The following ERC2 variants were observed in gnomAD, a reference collection of about 807,000 sequenced individuals.
The protein encoded by ERC2 is ELKS/RAB6-interacting/CAST family member 2.
In ERC2, 42 loss-of-function variants were observed where a neutral mutation model predicts 114.8. That is an observed-to-expected ratio of 0.37 (90% CI 0.29 to 0.47). The LOEUF (loss-of-function observed/expected upper bound fraction) is 0.47, where lower values mean the gene tolerates loss of function less well. Among genes scored for constraint, ERC2 ranks in the 20% least tolerant of loss-of-function variants. ERC2 has a pLI of 0.99. For missense variants in ERC2, 939 were observed against 1,150.7 expected (o/e 0.82, Z 2.66); for synonymous variants, 454 against 425.5 (o/e 1.07, Z -0.82).
At chr3:56,156,574 G>A (rs1210801387) in intron 4 of ERC2, among the ~76,000 whole-genome samples, 2 of 152,098 alleles carry the variant, frequency 1.3e-5, no homozygotes, top group Middle Eastern at 3.2e-3. Flanking sequence ...GTACTCTGAG[G>A]GTTTGGGGTA....
intron 3 of ERC2, among the ~76,000 whole-genome samples, chr3:56,182,449 T>C (rs1238947310): frequency 1.3e-5 from 2 of 152,076 alleles, no homozygotes; most frequent in Non-Finnish European, 2.9e-5. Flanking sequence ...CCAAAAGGAG[T>C]CTGCTGTGAA....
At chr3:56,379,178 G>T (rs1382072659) in intron 2 of ERC2, among the ~76,000 whole-genome samples, 1 of 152,086 alleles carries the variant, frequency 6.6e-6, no homozygotes, top group African/African-American at 2.4e-5. Flanking sequence ...GCTACAGGTG[G>T]CTACTGAGTA....
intron 17 of ERC2, among the ~76,000 whole-genome samples, chr3:55,603,347 C>T (rs2058492401): frequency 6.6e-6 from 1 of 152,118 alleles, no homozygotes; most frequent in African/African-American, 2.4e-5. Flanking sequence ...TTTTAAGAAG[C>T]CGCAGCCGGG....
intron 17 of ERC2, among the ~76,000 whole-genome samples, chr3:55,517,162 C>T (rs925196921): frequency 2.6e-5 from 4 of 152,060 alleles, no homozygotes; most frequent in Admixed American, 2.0e-4. Flanking sequence ...AAAAACTGGC[C>T]GGGTGCAATG....
intron 2 of ERC2, among the ~76,000 whole-genome samples, chr3:56,433,627 G>A (rs1426815035): frequency 6.6e-6 from 1 of 152,236 alleles, no homozygotes; most frequent in Non-Finnish European, 1.5e-5. Context: ...TGGAGGCAAT[G>A]AGTAATCACT....
intron 15 of ERC2, among the ~76,000 whole-genome samples, chr3:55,703,897 T>G (rs138162107): frequency 6.6e-6 from 1 of 152,230 alleles, no homozygotes; most frequent in Non-Finnish European, 1.5e-5. Context: ...ATTGGTCTTC[T>G]TCAAGAAATA....
intron 17 of ERC2, among the ~76,000 whole-genome samples, chr3:55,677,107 T>C (rs1160339683): frequency 6.6e-6 from 1 of 152,194 alleles, no homozygotes; most frequent in Non-Finnish European, 1.5e-5. Flanking sequence ...TTATTATCCT[T>C]TTCTCTCTTC....
intron 6 of ERC2, among the ~76,000 whole-genome samples, chr3:56,118,675 C>T (rs2079392246): frequency 1.4e-5 from 2 of 138,504 alleles, no homozygotes; most frequent in South Asian, 2.3e-4. Flanking sequence ...CTTGCTCTGT[C>T]GCCCAGGCTG....
chr3:56,167,996 C>T (rs2082410534), intron 4 of ERC2, among the ~76,000 whole-genome samples: 1 of 152,128 alleles, frequency 6.6e-6, no homozygotes, highest in African/African-American at 2.4e-5. Context: ...AGGATGCAAA[C>T]CTCAATGCAC....
chr3:56,292,703 T>C (rs2055174720), intron 3 of ERC2, among the ~76,000 whole-genome samples: 1 of 152,144 alleles, frequency 6.6e-6, no homozygotes, highest in Non-Finnish European at 1.5e-5. Context: ...GTTAGCAGTG[T>C]GACATTGGGT....
At chr3:55,832,586 T>C (rs996923002) in intron 14 of ERC2, among the ~76,000 whole-genome samples, 24 of 151,952 alleles carry the variant, frequency 1.6e-4, no homozygotes, top group Non-Finnish European at 3.1e-4. Context: ...AGAAAGAATA[T>C]CCACACCAAA....
chr3:56,118,535 G>A (rs944263977), intron 6 of ERC2, among the ~76,000 whole-genome samples: 1 of 151,994 alleles, frequency 6.6e-6, no homozygotes, highest in African/African-American at 2.4e-5. Flanking sequence ...CAGGCACCAA[G>A]CTAGGTCTTT....
At chr3:55,858,808 T>C (rs1045570437) in intron 14 of ERC2, among the ~76,000 whole-genome samples, 2 of 152,186 alleles carry the variant, frequency 1.3e-5, no homozygotes, top group East Asian at 3.9e-4. Context: ...CTCTCTGCTT[T>C]AGAGCTGGGC....
intron 14 of ERC2, among the ~76,000 whole-genome samples, chr3:55,808,834 A>G (rs1054701065): frequency 2.7e-5 from 4 of 149,146 alleles, no homozygotes; most frequent in Non-Finnish European, 5.9e-5. Flanking sequence ...TATATTGAAA[A>G]GATCCAGAGG....
chr3:55,519,828 TGAAACCAGCCTGGGAAACATGAC>T (rs1397017647), intron 17 of ERC2, among the ~76,000 whole-genome samples: 3 of 151,930 alleles, frequency 2.0e-5, no homozygotes, highest in South Asian at 2.1e-4. Context: ...CCCAGGAGTT[TGAAACCAGCCTGGGAAACATGAC>T]GAAACCAGCC....
chr3:56,411,893 T>C (rs2060954559), intron 2 of ERC2, among the ~76,000 whole-genome samples: 1 of 152,192 alleles, frequency 6.6e-6, no homozygotes, highest in South Asian at 2.1e-4. Flanking sequence ...CTGGTTGTCA[T>C]ACTGCAACAG....
At chr3:56,004,328 A>T (rs1025089143) in intron 10 of ERC2, among the ~76,000 whole-genome samples, 2 of 152,102 alleles carry the variant, frequency 1.3e-5, no homozygotes, top group African/African-American at 4.8e-5. Context: ...AAGCACACTT[A>T]TAATTTGCAA....
Position 55,899,553 on chromosome 3 carries a change from A to G in ERC2, c.2404-11004T>C, listed in dbSNP as rs2064022196. Among the ~76,000 whole-genome samples the G allele has an allele frequency of 1.3e-5, 2 of 152,110 alleles. 1 individual carries two copies. The highest frequency in any genetic ancestry group is 4.1e-4 in the South Asian group (2 of 4,830). On this transcript the variant is annotated intron_variant, in intron 13 of 17. Coordinates refer to ENST00000288221, the MANE Select transcript of ERC2 (RefSeq NM_015576.3). The stretch of plus-strand genomic sequence containing the variant: ...TGTGTGATTTAAAAGTGTTACAAAG[A>G]AATTAAATAATAAATTATGGGCACC...
chr3:55,925,453 A>C (rs1305761399), intron 13 of ERC2, among the ~76,000 whole-genome samples: 2 of 152,182 alleles, frequency 1.3e-5, no homozygotes, highest in Non-Finnish European at 2.9e-5. Context: ...TTGCAGATTC[A>C]AGAAATATTT....
Sources: gnomAD v4.1 joint callset for allele counts (sites outside exome capture counted in the v4.1 genomes callset) on GRCh38, gnomAD v4.1.1 for gene constraint, MANE v1.5 for transcripts, NCBI Gene and HGNC (gene_info 2026-07-23, HGNC 2026-07-21) for gene names.